Variants in SYT1 observed in about 807,000 individuals in gnomAD.
The protein encoded by SYT1 is synaptotagmin-1.
In SYT1, 8 loss-of-function variants were observed where a neutral mutation model predicts 44.8. That is an observed-to-expected ratio of 0.18 (90% CI 0.10 to 0.32). SYT1 has a LOEUF of 0.32. Among genes scored for constraint, SYT1 ranks in the 10% least tolerant of loss-of-function variants. The probability of loss-of-function intolerance (pLI) is 1.00; values close to 1 mark genes in which losing one functional copy is unlikely to be tolerated. For missense variants in SYT1, 286 were observed against 509.3 expected (o/e 0.56, Z 4.22); for synonymous variants, 154 against 188.8 (o/e 0.82, Z 1.51).
At position 78,895,676 on chromosome 12, in the gene SYT1, A is replaced by G. The variant is rs185541748; in HGVS notation, c.-217+30567A>G. ...AAAAATGAATGATTGTGAAATGTGC[A>G]AAGTATTTGAATAGTGAGAGCTAAT... On this transcript the variant is annotated intron_variant, in intron 1 of 10. Coordinates refer to ENST00000261205, the MANE Select transcript of SYT1 (RefSeq NM_005639.3). 2.2e-3 allele frequency among the ~76,000 whole-genome samples: 327 copies of G among 151,936 alleles called. 1 individual carries two copies. Among genetic ancestry groups the G allele is most frequent in the South Asian group, 6.6e-3 (32 of 4,830 alleles).
chr12:79,373,406 A>C (rs1040510475), intron 9 of SYT1, among the ~76,000 whole-genome samples: 2 of 152,266 alleles, frequency 1.3e-5, no homozygotes, highest in African/African-American at 4.8e-5. Flanking sequence ...AAGATAAAGC[A>C]AAAGTAAACA....
At chr12:78,983,235 C>T (rs757296389) in intron 2 of SYT1, among the ~76,000 whole-genome samples, 1 of 151,914 alleles carries the variant, frequency 6.6e-6, no homozygotes, top group Non-Finnish European at 1.5e-5. Context: ...CAAATAAATT[C>T]ATAAATTTAC....
chr12:79,255,992 A>G (rs1005325023), intron 4 of SYT1, among the ~76,000 whole-genome samples: 1 of 152,254 alleles, frequency 6.6e-6, no homozygotes, highest in African/African-American at 2.4e-5. Context: ...GATTATCCCA[A>G]TTTTAAACAG....
At chr12:79,093,908 G>A (rs779433396) in intron 3 of SYT1, among the ~76,000 whole-genome samples, 7 of 151,348 alleles carry the variant, frequency 4.6e-5, no homozygotes, top group Non-Finnish European at 7.4e-5. Context: ...TCTTGAACTG[G>A]CATTGTACCA....
intron 2 of SYT1, among the ~76,000 whole-genome samples, chr12:79,038,752 G>T (rs956157837): frequency 2.0e-5 from 3 of 151,886 alleles, no homozygotes; most frequent in African/African-American, 7.2e-5. Context: ...TCCATCATGG[G>T]TTAAAGGGAT....
At chr12:79,359,535 G>A (rs1448694986) in intron 9 of SYT1, among the ~76,000 whole-genome samples, 2 of 152,144 alleles carry the variant, frequency 1.3e-5, no homozygotes, top group Admixed American at 6.5e-5. Context: ...GAAATGAAAT[G>A]TTTGAAAGTG....
chr12:79,034,671 A>T (rs1318373803), intron 2 of SYT1, among the ~76,000 whole-genome samples: 3 of 151,750 alleles, frequency 2.0e-5, no homozygotes, highest in African/African-American at 7.2e-5. Flanking sequence ...TAATTTTTTT[A>T]AACTATGCTG....
At chr12:78,988,180 G>T (rs1234909446) in intron 2 of SYT1, among the ~76,000 whole-genome samples, 1 of 151,358 alleles carries the variant, frequency 6.6e-6, no homozygotes, top group Non-Finnish European at 1.5e-5. Flanking sequence ...TGGTGCTGGG[G>T]GATACAATAG....
intron 3 of SYT1, among the ~76,000 whole-genome samples, chr12:79,058,633 C>T (rs1472021686): frequency 1.3e-5 from 2 of 152,086 alleles, no homozygotes; most frequent in African/African-American, 4.8e-5. Context: ...CTGCATCTTG[C>T]ATCCCCTCTG....
chr12:78,943,499 C>G (rs1409086598), intron 1 of SYT1, among the ~76,000 whole-genome samples: 1 of 152,070 alleles, frequency 6.6e-6, no homozygotes, highest in South Asian at 2.1e-4. Context: ...AGGACAATAC[C>G]AAGGACATGG....
intron 3 of SYT1, among the ~76,000 whole-genome samples, chr12:79,076,902 G>A (rs759402245): frequency 6.6e-6 from 1 of 152,144 alleles, no homozygotes; most frequent in Non-Finnish European, 1.5e-5. Context: ...AGACTTCCAT[G>A]CCTAGATTTC....
chr12:79,009,039 T>A (rs1460071027), intron 2 of SYT1, among the ~76,000 whole-genome samples: 1 of 152,238 alleles, frequency 6.6e-6, no homozygotes, highest in Non-Finnish European at 1.5e-5. Context: ...ATTGTTCCAT[T>A]TAGTGGCCTT....
At chr12:79,182,644 A>G (rs1051220898) in intron 3 of SYT1, among the ~76,000 whole-genome samples, 1 of 152,128 alleles carries the variant, frequency 6.6e-6, no homozygotes, top group Non-Finnish European at 1.5e-5. Flanking sequence ...AGTTAATTGC[A>G]TCAATAGTTT....
intron 3 of SYT1, among the ~76,000 whole-genome samples, chr12:79,087,571 G>A (rs1877467947): frequency 6.6e-6 from 1 of 152,084 alleles, no homozygotes; most frequent in South Asian, 2.1e-4. Flanking sequence ...TCCTAGTCTG[G>A]TGGAGGGGAA....
chr12:79,162,267 A>T (rs1870994051), intron 3 of SYT1, among the ~76,000 whole-genome samples: 1 of 152,130 alleles, frequency 6.6e-6, no homozygotes, highest in Admixed American at 6.6e-5. Flanking sequence ...GGAAGGTGGA[A>T]ACTTAAAATA....
chr12:79,232,797 A>G (rs1377030398), intron 4 of SYT1, among the ~76,000 whole-genome samples: 1 of 152,122 alleles, frequency 6.6e-6, no homozygotes, highest in African/African-American at 2.4e-5. Context: ...CCTTTAGCTC[A>G]AAGGCCCTCA....
chr12:79,233,658 CG>C (rs1876002379), intron 4 of SYT1, among the ~76,000 whole-genome samples: 1 of 152,176 alleles, frequency 6.6e-6, no homozygotes, highest in African/African-American at 2.4e-5. Flanking sequence ...CTTTCTTTTC[CG>C]GATCTGCTAA....
At chr12:79,111,721 T>G (rs2138092958) in intron 3 of SYT1, among the ~76,000 whole-genome samples, 1 of 151,864 alleles carries the variant, frequency 6.6e-6, no homozygotes, top group African/African-American at 2.4e-5. Context: ...GAAACTTGTC[T>G]AGATTCACAA....
intron 3 of SYT1, among the ~76,000 whole-genome samples, chr12:79,172,630 T>A (rs544264249): frequency 1.3e-5 from 2 of 152,012 alleles, no homozygotes; most frequent in East Asian, 3.9e-4. Context: ...GTATTTATAA[T>A]GCTCTAAATT....
Sources: allele counts gnomAD v4.1 joint callset (sites outside exome capture counted in the v4.1 genomes callset), GRCh38; gene constraint gnomAD v4.1.1; transcripts MANE v1.5; gene names NCBI Gene and HGNC (gene_info 2026-07-23, HGNC 2026-07-21).